The following GAB2 variants were observed in gnomAD, a reference collection of about 807,000 sequenced individuals.
The protein encoded by GAB2 is GRB2-associated-binding protein 2.
A neutral mutation model predicts 65.5 loss-of-function variants in GAB2; 26 were observed. The ratio of observed to expected loss-of-function variants is 0.40; its 90% CI spans 0.29 to 0.55. GAB2 has a LOEUF of 0.55. GAB2 is among the 20% of genes least tolerant of loss of function. The pLI is 0.53. For synonymous variants in GAB2, 321 were observed against 329.6 expected, an observed-to-expected ratio of 0.97 and a Z score of 0.28; for missense variants, 884 against 875.8, an observed-to-expected ratio of 1.01 and a Z score of -0.12.
rs774440980 is a variant in GAB2, at chr11:78,226,616, TGGG to T, written c.1053_1055del (p.Pro353del). The T allele has an allele frequency of 3.7e-5, 18 of 492,756 alleles. No individual in the cohort carries two copies. Among genetic ancestry groups the T allele is most frequent in the Non-Finnish European group, 5.4e-5 (17 of 315,328 alleles). The allele number at this position is 492,756 out of a possible 1,614,324, so 30.5% of individuals were successfully genotyped here. A position where few individuals can be genotyped will look rare whatever the true frequency, so the allele number is the denominator to read the frequency against. ...CCTGACTTGGCTTGGGGGGGCGGGG[TGGG>T]GGAGCTATGGCTGAGTCCCCAGGAG... On this transcript the variant is annotated inframe_deletion, in exon 4 of 10. Coordinates refer to ENST00000361507, the MANE Select transcript of GAB2 (RefSeq NM_080491.3).
chr11:78,276,400 T>C (rs1224799733), intron 2 of GAB2, among the ~76,000 whole-genome samples: 1 of 152,150 alleles, frequency 6.6e-6, no homozygotes, highest in Admixed American at 6.5e-5. Context: ...CTAGGAAATA[T>C]ATTATTTAAT....
intron 6 of GAB2, among the ~76,000 whole-genome samples, chr11:78,222,554 T>A (rs1177218469): frequency 4.0e-5 from 6 of 148,378 alleles, no homozygotes; most frequent in African/African-American, 1.5e-4. Flanking sequence ...TTAATATTTA[T>A]AAAAATATAT....
intron 1 of GAB2, among the ~76,000 whole-genome samples, chr11:78,346,717 AT>A (rs1856194272): frequency 4.0e-4 from 16 of 40,088 alleles, no homozygotes; most frequent in East Asian, 1.4e-3. Context: ...ATATATATAT[AT>A]ATAATTTTTT....
chr11:78,317,465 C>T (rs1024995463), intron 1 of GAB2, among the ~76,000 whole-genome samples: 1 of 144,060 alleles, frequency 6.9e-6, no homozygotes, highest in East Asian at 2.2e-4. Context: ...GAGGCTGAAT[C>T]GGGATAATCG....
intron 1 of GAB2, among the ~76,000 whole-genome samples, chr11:78,408,321 T>G (rs1215535851): frequency 6.6e-6 from 1 of 152,174 alleles, no homozygotes; most frequent in Non-Finnish European, 1.5e-5. Context: ...TTCATTTAGA[T>G]TATAAGACGA....
At chr11:78,250,443 TGTA>T (rs1199962438) in intron 2 of GAB2, 43 bp from the exon 3 acceptor site, 2 of 1,561,650 alleles carry the variant, frequency 1.3e-6, no homozygotes, top group Non-Finnish European at 1.8e-6. Context: ...AGGAAGGAAA[TGTA>T]TCCTTATCCC....
chr11:78,394,478 G>C lies in GAB2; in HGVS notation c.75+23168C>G, dbSNP rs562046456. ...TGGTCCTCTCCCTACCCCACGGTGG[G>C]CTCCAAGATCATCAGTTACAGAGAC... On this transcript the variant is annotated intron_variant, in intron 1 of 9. Coordinates refer to ENST00000361507, the MANE Select transcript of GAB2 (RefSeq NM_080491.3). Among the ~76,000 whole-genome samples the C allele has an allele frequency of 1.2e-3, 178 of 152,150 alleles. 1 individual carries two copies. The highest frequency in any genetic ancestry group is 4.0e-3 in the African/African-American group (168 of 41,496).
intron 1 of GAB2, among the ~76,000 whole-genome samples, chr11:78,329,206 C>T (rs542143804): frequency 1.3e-5 from 2 of 152,132 alleles, no homozygotes; most frequent in African/African-American, 4.8e-5. Context: ...AAAATGTTAG[C>T]AAAAATGAAG....
chr11:78,407,164 G>C (rs1056893180), intron 1 of GAB2, among the ~76,000 whole-genome samples: 1 of 152,156 alleles, frequency 6.6e-6, no homozygotes, highest in East Asian at 1.9e-4. Flanking sequence ...AGAAGAAAGA[G>C]GGTAGGACTG....
intron 1 of GAB2, among the ~76,000 whole-genome samples, chr11:78,357,154 A>G (rs147248254): frequency 2.1e-3 from 321 of 152,312 alleles, no homozygotes; most frequent in Non-Finnish European, 4.0e-3. Context: ...TTGATGTTAT[A>G]TATGTTTCAT....
chr11:78,271,813 T>G (rs998183832), intron 2 of GAB2, among the ~76,000 whole-genome samples: 3 of 152,084 alleles, frequency 2.0e-5, no homozygotes, highest in Admixed American at 6.5e-5. Context: ...GGTGATATGG[T>G]TTGGCTGTGT....
chr11:78,260,325 A>G (rs1865694814), intron 2 of GAB2, among the ~76,000 whole-genome samples: 1 of 152,218 alleles, frequency 6.6e-6, no homozygotes, highest in South Asian at 2.1e-4. Flanking sequence ...GTGAAAGGCA[A>G]AGAGGAAAGA....
rs377249647 is a variant in GAB2, at chr11:78,226,727, A to G, written c.945T>C (p.Asp315=). The change falls in exon 4 of 10, where the codon GAT becomes GAC. Residue 315 remains aspartate (D), a synonymous_variant. Transcript: ENST00000361507. ...AGGCTGAGAGTGGGGTGGCCGGAAC[A>G]TCCATATTGTCTACCAGGAGGTCCC... is the stretch of plus-strand genomic sequence containing the variant. ...EFGDLLVDNM[D]VPATPLSAYQ... is the part of the protein sequence containing the mutation. The G allele has an allele frequency of 6.2e-7, 1 of 1,613,934 alleles. No homozygotes were observed. Among genetic ancestry groups the G allele is most frequent in the African/African-American group, 1.3e-5 (1 of 74,880 alleles).
rs1166069461 is a variant in GAB2, at chr11:78,407,633, CAAAG to C, written c.75+10009_75+10012del. Among the ~76,000 whole-genome samples, 252 of 93,336 alleles carry C rather than the reference CAAAG, an allele frequency of 2.7e-3. 6 individuals are homozygous for C. Among genetic ancestry groups the C allele is most frequent in the South Asian group, 8.9e-3 (18 of 2,028 alleles). 61.2% of individuals were successfully genotyped at this position (93,336 alleles called of 152,430 possible). A position where few individuals can be genotyped will look rare whatever the true frequency, so the allele number is the denominator to read the frequency against. The stretch of plus-strand genomic sequence containing the variant: ...GGGTGACAAGAGTGAAACTCCTTCT[CAAAG>C]AAAGAAAGAAAGAAAGAAAGTAAGA... On this transcript the variant is annotated intron_variant, in intron 1 of 9. Coordinates refer to ENST00000361507, the MANE Select transcript of GAB2 (RefSeq NM_080491.3).
chr11:78,249,628 C>T (rs1865391722), intron 3 of GAB2, among the ~76,000 whole-genome samples: 2 of 152,178 alleles, frequency 1.3e-5, no homozygotes, highest in African/African-American at 4.8e-5. Context: ...ACAGTAGCCC[C>T]TAGACATATG....
At chr11:78,311,291 T>C (rs1264009646) in intron 1 of GAB2, among the ~76,000 whole-genome samples, 1 of 152,198 alleles carries the variant, frequency 6.6e-6, no homozygotes, top group African/African-American at 2.4e-5. Context: ...ACTTAAGAGC[T>C]GCATAAAAAT....
chr11:78,358,596 C>G (rs1299507177), intron 1 of GAB2, among the ~76,000 whole-genome samples: 1 of 151,632 alleles, frequency 6.6e-6, no homozygotes, highest in Non-Finnish European at 1.5e-5. Context: ...TAAAAGTAGT[C>G]CAGGATTAAT....
chr11:78,354,957 GAAGAA>G (rs1856336026), intron 1 of GAB2, among the ~76,000 whole-genome samples: 1 of 152,206 alleles, frequency 6.6e-6, no homozygotes, highest in African/African-American at 2.4e-5. Flanking sequence ...GTTGAGGAGA[GAAGAA>G]AAGGACTCCA....
intron 1 of GAB2, among the ~76,000 whole-genome samples, chr11:78,346,257 G>C (rs1856177165): frequency 6.6e-6 from 1 of 152,054 alleles, no homozygotes; most frequent in Admixed American, 6.5e-5. Flanking sequence ...CTTAAATAGG[G>C]CTCCATATTC....
Sources: allele counts gnomAD v4.1 joint callset (sites outside exome capture counted in the v4.1 genomes callset), GRCh38; gene constraint gnomAD v4.1.1; transcripts MANE v1.5; gene names NCBI Gene and HGNC (gene_info 2026-07-23, HGNC 2026-07-21).